The following ARHGAP12 variants were observed in gnomAD, a reference collection of about 807,000 sequenced individuals.
ARHGAP12 encodes rho GTPase-activating protein 12.
A neutral mutation model predicts 108.6 loss-of-function variants in ARHGAP12; 64 were observed. The ratio of observed to expected loss-of-function variants is 0.59; its 90% CI spans 0.48 to 0.73. The LOEUF is 0.73. Ranked by LOEUF, ARHGAP12 falls within the 30% of genes least tolerant of loss-of-function variation. The pLI is 0.00. For synonymous variants in ARHGAP12, 312 were observed against 337.2 expected (o/e 0.93, Z 0.82); for missense variants, 940 against 1,005.9 (o/e 0.93, Z 0.89).
At chr10:31,884,822 T>C (rs1274480155) in intron 3 of ARHGAP12, among the ~76,000 whole-genome samples, 2 of 152,232 alleles carry the variant, frequency 1.3e-5, no homozygotes. Context: ...TGTAAGCTCA[T>C]GACAACAAAT....
intron 9 of ARHGAP12, among the ~76,000 whole-genome samples, chr10:31,834,521 C>A (rs374957548): frequency 2.0e-5 from 3 of 152,188 alleles, no homozygotes; most frequent in South Asian, 2.1e-4. Flanking sequence ...AAATAAATTT[C>A]TGTTGTTTAT....
intron 3 of ARHGAP12, among the ~76,000 whole-genome samples, chr10:31,867,949 C>T (rs1205041878): frequency 6.6e-6 from 1 of 151,796 alleles, no homozygotes; most frequent in Admixed American, 6.6e-5. Flanking sequence ...CCTGTAATCC[C>T]AGCACTTTAG....
At chr10:31,869,215 A>C (rs969375660) in intron 3 of ARHGAP12, among the ~76,000 whole-genome samples, 1 of 152,188 alleles carries the variant, frequency 6.6e-6, no homozygotes, top group Non-Finnish European at 1.5e-5. Context: ...GTCACCAACA[A>C]AAACAAATGG....
intron 3 of ARHGAP12, among the ~76,000 whole-genome samples, chr10:31,873,640 A>G (rs1291252126): frequency 2.0e-5 from 3 of 152,208 alleles, no homozygotes; most frequent in Non-Finnish European, 2.9e-5. Flanking sequence ...CTCAAAGTCT[A>G]GAAACAAATG....
intron 16 of ARHGAP12, chr10:31,809,805 C>T (rs1397184308): frequency 6.6e-6 from 1 of 152,148 alleles, no homozygotes; most frequent in African/African-American, 2.4e-5. Context: ...ACATAATTTG[C>T]TATAATTTAT....
In ARHGAP12 at chr10:31,806,220, A is replaced by T. The variant is rs1834819063; in HGVS notation, c.*1438T>A. Reference sequence around the variant, plus strand: ...CCACAGGAAATATTGGATTCAGTTGATTTTTAAAAATGAGGTATAACAGTA... The same window carrying T: ...CCACAGGAAATATTGGATTCAGTTGTTTTTTAAAAATGAGGTATAACAGTA... On this transcript the variant is annotated 3_prime_UTR_variant, in exon 20 of 20. Coordinates refer to ENST00000344936, the MANE Select transcript of ARHGAP12 (RefSeq NM_018287.7). 1 of 152,230 alleles carries T rather than the reference A, an allele frequency of 6.6e-6. No homozygotes were observed. The highest frequency in any genetic ancestry group is 1.5e-5 in the Non-Finnish European group (1 of 68,014). The allele number at this position is 152,230 out of a possible 1,614,324, so 9.4% of individuals were successfully genotyped here.
chr10:31,892,149 CA>C (rs1260081377), intron 3 of ARHGAP12, among the ~76,000 whole-genome samples: 17 of 152,140 alleles, frequency 1.1e-4, no homozygotes, highest in Non-Finnish European at 2.4e-4. Flanking sequence ...CCAGACACTG[CA>C]AAAACATGCC....
chr10:31,915,071 T>A (rs759805983), intron 1 of ARHGAP12, among the ~76,000 whole-genome samples: 1 of 152,170 alleles, frequency 6.6e-6, no homozygotes, highest in Non-Finnish European at 1.5e-5. Context: ...CACTCACATG[T>A]GGAATCTAAA....
intron 3 of ARHGAP12, among the ~76,000 whole-genome samples, chr10:31,896,042 G>A (rs1334405672): frequency 6.6e-6 from 1 of 151,458 alleles, no homozygotes; most frequent in Non-Finnish European, 1.5e-5. Flanking sequence ...TGAACAATGA[G>A]AACACTTGGA....
intron 3 of ARHGAP12, among the ~76,000 whole-genome samples, chr10:31,887,805 C>T (rs1264365995): frequency 6.6e-6 from 1 of 151,900 alleles, no homozygotes; most frequent in Non-Finnish European, 1.5e-5. Flanking sequence ...CTACAGGTGC[C>T]CACTACCACA....
chr10:31,915,782 A>T (rs559245637), intron 1 of ARHGAP12, among the ~76,000 whole-genome samples: 1 of 152,352 alleles, frequency 6.6e-6, no homozygotes, highest in African/African-American at 2.4e-5. Flanking sequence ...GTTTAAAAAA[A>T]TGAAACAAAC....
At chr10:31,872,162 G>A (rs1490170719) in intron 3 of ARHGAP12, among the ~76,000 whole-genome samples, 1 of 152,076 alleles carries the variant, frequency 6.6e-6, no homozygotes, top group African/African-American at 2.4e-5. Context: ...AAGTTCCTGA[G>A]TGAAAATTAT....
chr10:31,834,568 A>G (rs1835943159), intron 9 of ARHGAP12, among the ~76,000 whole-genome samples: 1 of 152,186 alleles, frequency 6.6e-6, no homozygotes. Context: ...TACCAGCCCC[A>G]ATGGACTAAG....
chr10:31,851,675 C>T (rs1338593932), intron 6 of ARHGAP12, among the ~76,000 whole-genome samples: 3 of 152,124 alleles, frequency 2.0e-5, no homozygotes, highest in African/African-American at 4.8e-5. Context: ...GAAGAAAGCA[C>T]TATTAACATT....
At chr10:31,881,159 G>GA (rs1242605206) in intron 3 of ARHGAP12, among the ~76,000 whole-genome samples, 2 of 146,462 alleles carry the variant, frequency 1.4e-5, no homozygotes. Context: ...AAAAAAAAAA[G>GA]AAAAAAAGAA....
In ARHGAP12 at chr10:31,861,622, G is replaced by C; in HGVS notation, c.721C>G (p.Pro241Ala). ...AGTTCTTGAAGGTTAGCATAGACAG[G>C]AGAATCTGGCCTTCCTTGATTTGGA... ...TPPNQGRPDS[P>A]VYANLQELKI... Residue 241 changes from proline (P) to alanine (A), a missense_variant, in exon 4 of 20, where the codon CCT becomes GCT. Pro to Ala is a conservative substitution (Grantham distance 27). Transcript: ENST00000344936. 6.2e-7 allele frequency: 1 copy of C among 1,611,518 alleles called. No individual in the cohort carries two copies. Among genetic ancestry groups the C allele is most frequent in the Non-Finnish European group, 8.5e-7 (1 of 1,179,194 alleles).
chr10:31,907,616 A>G (rs1839188016), intron 3 of ARHGAP12, among the ~76,000 whole-genome samples: 1 of 150,700 alleles, frequency 6.6e-6, no homozygotes, highest in African/African-American at 2.4e-5. Flanking sequence ...CCTAGGCAAC[A>G]GAGCAAGACC....
At chr10:31,872,444 T>C (rs759689745) in intron 3 of ARHGAP12, among the ~76,000 whole-genome samples, 2 of 152,140 alleles carry the variant, frequency 1.3e-5, no homozygotes, top group Admixed American at 1.3e-4. Flanking sequence ...ATTCAAATAA[T>C]ACTATCATAA....
chr10:31,858,776 C>T (rs1462449952), intron 4 of ARHGAP12, among the ~76,000 whole-genome samples: 6 of 152,020 alleles, frequency 3.9e-5, no homozygotes, highest in South Asian at 2.1e-4. Flanking sequence ...ATCACAACAG[C>T]GAAATGTGCT....
Sources: gnomAD v4.1 joint callset for allele counts (sites outside exome capture counted in the v4.1 genomes callset) on GRCh38, gnomAD v4.1.1 for gene constraint, MANE v1.5 for transcripts, NCBI Gene and HGNC (gene_info 2026-07-23, HGNC 2026-07-21) for gene names.